ROR1: variants seen among roughly 807,000 people sequenced by gnomAD.
ROR1 encodes ROR family WNT receptor 1.
In ROR1, 19 loss-of-function variants were observed where a neutral mutation model predicts 78.8. The ratio of observed to expected loss-of-function variants is 0.24; its 90% confidence interval spans 0.17 to 0.35. The LOEUF (loss-of-function observed/expected upper bound fraction) is 0.35. ROR1 is among the 10% of genes least tolerant of loss of function. The pLI, the probability that ROR1 is intolerant of heterozygous loss-of-function variation, is 1.00. For missense variants in ROR1, 917 were observed against 1,177.8 expected, an observed-to-expected ratio of 0.78 and a Z score of 3.24; for synonymous variants, 386 against 433.6, an observed-to-expected ratio of 0.89 and a Z score of 1.36.
intron 1 of ROR1, among the ~76,000 whole-genome samples, chr1:63,966,601 C>G (rs1646077410): frequency 6.6e-6 from 1 of 152,186 alleles, no homozygotes; most frequent in South Asian, 2.1e-4. Context: ...ATGTTTTACC[C>G]TCAACTCTCA....
intron 1 of ROR1, among the ~76,000 whole-genome samples, chr1:63,888,630 C>CA (rs1032872388): frequency 4.0e-5 from 6 of 151,328 alleles, no homozygotes; most frequent in Non-Finnish European, 5.9e-5. Context: ...CTCCAAAAAA[C>CA]AAAAAAAGAC....
chr1:64,054,290 T>G (rs573431276), intron 4 of ROR1, among the ~76,000 whole-genome samples: 9 of 152,144 alleles, frequency 5.9e-5, no homozygotes, highest in Non-Finnish European at 1.3e-4. Flanking sequence ...TTCTTGCTTT[T>G]TTTTTTGGAC....
chr1:63,966,392 A>G (rs1646076060), intron 1 of ROR1, among the ~76,000 whole-genome samples: 1 of 152,148 alleles, frequency 6.6e-6, no homozygotes, highest in Non-Finnish European at 1.5e-5. Flanking sequence ...TTTAATGAGA[A>G]CCATTCATTG....
chr1:63,797,473 T>C (rs1340275632), intron 1 of ROR1, among the ~76,000 whole-genome samples: 1 of 152,046 alleles, frequency 6.6e-6, no homozygotes, highest in Non-Finnish European at 1.5e-5. Flanking sequence ...ACTATCAGAG[T>C]CCGGAGGACT....
intron 1 of ROR1, among the ~76,000 whole-genome samples, chr1:63,921,136 C>T (rs1309028310): frequency 6.6e-6 from 1 of 152,162 alleles, no homozygotes; most frequent in East Asian, 1.9e-4. Context: ...CGAAGTAACT[C>T]GGTAATCACC....
At chr1:63,782,541 G>C (rs1015316799) in intron 1 of ROR1, among the ~76,000 whole-genome samples, 4 of 140,904 alleles carry the variant, frequency 2.8e-5, no homozygotes, top group Admixed American at 6.9e-5. Context: ...CTGAGATTTT[G>C]AGGTTTTTTT....
chr1:63,810,304 C>A (rs1235591171), intron 1 of ROR1, among the ~76,000 whole-genome samples: 1 of 152,212 alleles, frequency 6.6e-6, no homozygotes, highest in Non-Finnish European at 1.5e-5. Context: ...AAGGCATTCT[C>A]TTTCCTCTTT....
intron 1 of ROR1, among the ~76,000 whole-genome samples, chr1:63,826,227 C>T (rs558969520): frequency 3.9e-4 from 59 of 152,124 alleles, no homozygotes; most frequent in African/African-American, 1.1e-3. Flanking sequence ...TTATTTTTCC[C>T]GATGCTCTCC....
chr1:63,904,183 G>A (rs751513724), intron 1 of ROR1, among the ~76,000 whole-genome samples: 25 of 152,308 alleles, frequency 1.6e-4, no homozygotes, highest in Non-Finnish European at 2.8e-4. Context: ...TACAGGAAGT[G>A]AAATCTGAGT....
intron 1 of ROR1, among the ~76,000 whole-genome samples, chr1:63,901,686 G>A (rs1048731441): frequency 2.7e-4 from 41 of 150,392 alleles, no homozygotes; most frequent in African/African-American, 1.0e-3. Flanking sequence ...TTTCTTAAAG[G>A]ATACATTAGC....
At chr1:63,861,101 T>C (rs1230237240) in intron 1 of ROR1, among the ~76,000 whole-genome samples, 1 of 152,118 alleles carries the variant, frequency 6.6e-6, no homozygotes, top group Non-Finnish European at 1.5e-5. Flanking sequence ...TAAAAAGGTT[T>C]TCTCTCTTTG....
intron 1 of ROR1, among the ~76,000 whole-genome samples, chr1:63,859,023 A>G (rs1270927960): frequency 6.6e-6 from 1 of 152,216 alleles, no homozygotes; most frequent in Non-Finnish European, 1.5e-5. Flanking sequence ...CAAAGTTTTT[A>G]TGGTACCTTT....
intron 2 of ROR1, among the ~76,000 whole-genome samples, chr1:64,010,054 T>C (rs1646463691): frequency 6.6e-6 from 1 of 152,196 alleles, no homozygotes; most frequent in African/African-American, 2.4e-5. Context: ...GATTTCTTCT[T>C]ATACATCCTG....
intron 1 of ROR1, among the ~76,000 whole-genome samples, chr1:63,817,910 A>G (rs1644901829): frequency 6.6e-6 from 1 of 152,162 alleles, no homozygotes; most frequent in African/African-American, 2.4e-5. Context: ...CCACCTCTGA[A>G]GCCCATAGAG....
chr1:63,784,910 G>T (rs1024945575), intron 1 of ROR1, among the ~76,000 whole-genome samples: 3 of 152,228 alleles, frequency 2.0e-5, no homozygotes, highest in African/African-American at 7.2e-5. Flanking sequence ...TCAGCGCCTT[G>T]TTAGGCATGA....
chr1:64,034,629 T>C (rs1166178779), intron 2 of ROR1, among the ~76,000 whole-genome samples: 1 of 152,184 alleles, frequency 6.6e-6, no homozygotes, highest in African/African-American at 2.4e-5. Flanking sequence ...AATTGCTAGA[T>C]AATGACCATT....
intron 1 of ROR1, among the ~76,000 whole-genome samples, chr1:63,892,464 T>A (rs1422608328): frequency 6.6e-6 from 1 of 152,174 alleles, no homozygotes; most frequent in Non-Finnish European, 1.5e-5. Context: ...TGTAAACACT[T>A]GAAAGTATCA....
At chr1:64,092,796 G>T (rs1569731231) in intron 4 of ROR1, among the ~76,000 whole-genome samples, 1 of 152,276 alleles carries the variant, frequency 6.6e-6, no homozygotes, top group East Asian at 1.9e-4. Context: ...TTCCTCGTGT[G>T]GTTGTTGCTC....
intron 4 of ROR1, among the ~76,000 whole-genome samples, chr1:64,093,758 T>A (rs1453435585): frequency 6.6e-6 from 1 of 152,140 alleles, no homozygotes; most frequent in Non-Finnish European, 1.5e-5. Flanking sequence ...AGTGCCAGAC[T>A]GCAACACTTC....
Sources: allele counts gnomAD v4.1 joint callset (sites outside exome capture counted in the v4.1 genomes callset), GRCh38; gene constraint gnomAD v4.1.1; transcripts MANE v1.5; gene names NCBI Gene and HGNC (gene_info 2026-07-23, HGNC 2026-07-21).